CYP4F3: variants seen among roughly 807,000 people sequenced by gnomAD.
CYP4F3 encodes the protein cytochrome P450 family 4 subfamily F member 3.
A neutral mutation model predicts 54.8 loss-of-function variants in CYP4F3; 50 were observed. The ratio of observed to expected loss-of-function variants is 0.91; its 90% CI spans 0.73 to 1.16. CYP4F3 has a LOEUF of 1.16. Among genes scored for constraint, CYP4F3 ranks in the 50% most tolerant of loss-of-function variants. CYP4F3 has a pLI of 0.00. For synonymous variants in CYP4F3, 244 were observed against 262.6 expected (o/e 0.93, Z 0.69); for missense variants, 715 against 676.2 (o/e 1.06, Z -0.64).
At chr19:15,652,786 C>A in intron 8 of CYP4F3, 37 bp from the exon 9 acceptor site, 1 of 1,602,392 alleles carries the variant, frequency 6.2e-7, no homozygotes, top group Non-Finnish European at 8.5e-7. Context: ...GGTGCTGAAG[C>A]AGCCCAGAGA....
intron 9 of CYP4F3, among the ~76,000 whole-genome samples, chr19:15,653,348 C>T (rs1470442051): frequency 6.6e-6 from 1 of 152,186 alleles, no homozygotes; most frequent in African/African-American, 2.4e-5. Flanking sequence ...ATAAGGGAGA[C>T]CTGGGGGTAA....
chr19:15,646,925 G>A lies in CYP4F3; in HGVS notation c.344-127G>A, dbSNP rs1160200466. 3 of 1,365,200 alleles carry A rather than the reference G, an allele frequency of 2.2e-6. No individual in the cohort carries two copies. The African/African-American group carries it at 4.3e-5, about 20-fold the overall frequency. The allele number at this position is 1,365,200 out of a possible 1,614,324, so 84.6% of individuals were successfully genotyped here. The stretch of plus-strand genomic sequence containing the variant: ...CATCCTGCCTTCTTCCTCTCCCCTT[G>A]ACCCTCTTCTTGCTATGTGGGGCTT... On this transcript the variant is annotated intron_variant, in intron 3 of 12. Transcript: ENST00000221307.
At chr19:15,657,754 G>T (rs138990601) in intron 9 of CYP4F3, among the ~76,000 whole-genome samples, 339 of 152,190 alleles carry the variant, frequency 2.2e-3, no homozygotes, top group African/African-American at 7.2e-3. Flanking sequence ...TCTTTTGCAC[G>T]TGTTGATGTT....
chr19:15,644,011 T>C (rs1972552041), intron 2 of CYP4F3: 1 of 1,604,420 alleles, frequency 6.2e-7, no homozygotes, highest in Non-Finnish European at 8.5e-7. Context: ...TCATCCGTTT[T>C]TGCCACCCCA....
chr19:15,653,047 G>T, intron 9 of CYP4F3, 95 bp downstream of exon 9: 1 of 1,490,916 alleles, frequency 6.7e-7, no homozygotes, highest in South Asian at 1.3e-5. Flanking sequence ...TGTTGATTCT[G>T]CCACTATTGC....
chr19:15,649,009 G>T (rs1972707233), intron 5 of CYP4F3, 151 bp from the exon 6 acceptor site: 2 of 1,280,002 alleles, frequency 1.6e-6, no homozygotes, highest in East Asian at 2.7e-5. Flanking sequence ...AACAGCTTTT[G>T]CTTGCACCAT....
chr19:15,647,384 G>T, intron 5 of CYP4F3, 60 bp downstream of exon 5: 2 of 1,604,516 alleles, frequency 1.2e-6, no homozygotes, highest in Non-Finnish European at 1.7e-6. Context: ...ACCACAGACA[G>T]ATCTAGTCTG....
chr19:15,658,464 T>A lies in CYP4F3; in HGVS notation c.1250-27T>A, dbSNP rs779478157. 3 of 1,614,088 alleles carry A rather than the reference T, an allele frequency of 1.9e-6. No homozygotes were observed. In the South Asian group the frequency reaches 3.3e-5, roughly 18 times the overall value. ...GGGGCCCCTCAGGCAGGGAGCATTG[T>A]CCTGACTGCCCCCTTCTCTCCCACA... On this transcript the variant is annotated intron_variant, in intron 10 of 12. Coordinates refer to ENST00000221307, the MANE Select transcript of CYP4F3 (RefSeq NM_000896.3).
At chr19:15,653,735 GGAGA>G (rs60874509) in intron 9 of CYP4F3, among the ~76,000 whole-genome samples, 14,157 of 110,956 alleles carry the variant, frequency 0.13, 1,057 homozygotes, top group Middle Eastern at 0.17. Context: ...AAGAGAGAGA[GGAGA>G]GAGAGAGAGA....
At chr19:15,653,838 T>G (rs954762186) in intron 9 of CYP4F3, among the ~76,000 whole-genome samples, 1 of 149,902 alleles carries the variant, frequency 6.7e-6, no homozygotes, top group Non-Finnish European at 1.5e-5. Flanking sequence ...GAGACTGACT[T>G]GTGGTGAGAT....
rs556714796 is a variant in CYP4F3, at chr19:15,647,106, G to A, written c.397+1G>A. ...TACAGCTTCCTGAAGCCCTGGCTGG[G>A]TGAGTATCTGTAGGTGAACAGGGTT... On this transcript the variant is annotated splice_donor_variant, in intron 4 of 12. Coordinates refer to ENST00000221307, the MANE Select transcript of CYP4F3 (RefSeq NM_000896.3). LOFTEE classifies it high-confidence loss of function. 3 of 1,613,898 alleles carry A rather than the reference G, an allele frequency of 1.9e-6. No homozygotes were observed. Among genetic ancestry groups the A allele is most frequent in the South Asian group, 2.2e-5 (2 of 91,086 alleles).
chr19:15,648,851 A>G (rs1813808241), intron 5 of CYP4F3, among the ~76,000 whole-genome samples: 1 of 152,180 alleles, frequency 6.6e-6, no homozygotes, highest in African/African-American at 2.4e-5. Flanking sequence ...TCCAAAGCAC[A>G]TCATCTTAAC....
intron 7 of CYP4F3, among the ~76,000 whole-genome samples, chr19:15,651,168 C>CCGG (rs1249660935): frequency 1.5e-4 from 20 of 137,652 alleles, no homozygotes; most frequent in South Asian, 7.4e-4. Flanking sequence ...GCCACTGTGC[C>CCGG]CCACCTTGTC....
At chr19:15,641,754 C>T in intron 2 of CYP4F3, 141 bp downstream of exon 2, 14 of 975,360 alleles carry the variant, frequency 1.4e-5, no homozygotes, top group Non-Finnish European at 2.2e-5. Flanking sequence ...CATTCCTCTG[C>T]TTACTCATTT....
intron 6 of CYP4F3, 75 bp from the exon 7 acceptor site, chr19:15,649,838 A>G: frequency 6.4e-7 from 1 of 1,573,480 alleles, no homozygotes; most frequent in Non-Finnish European, 8.6e-7. Flanking sequence ...GGTAGCTCCT[A>G]GCTGCTGGTG....
At chr19:15,653,286 T>A (rs555947004) in intron 9 of CYP4F3, among the ~76,000 whole-genome samples, 7 of 152,334 alleles carry the variant, frequency 4.6e-5, no homozygotes, top group African/African-American at 1.7e-4. Flanking sequence ...ACTTGTTGAA[T>A]GTTTGCTCTT....
rs779126203 is a variant in CYP4F3 at position 15,652,888 on chromosome 19, C to G, written c.1051C>G (p.Gln351Glu). 8.1e-6 allele frequency: 13 copies of G among 1,613,770 alleles called. No homozygotes were observed. The highest frequency in any genetic ancestry group is 1.3e-5 in the African/African-American group (1 of 74,902). The change falls in exon 9 of 13, where the codon CAG (glutamine) becomes GAG (glutamate). Residue 351 changes from glutamine (Q) to glutamate (E), a missense_variant. Gln to Glu is a conservative substitution (Grantham distance 29, BLOSUM62 2). Transcript: ENST00000221307. Reference protein sequence around the residue: ...LYHLAKHPEYQERCRQEVQEL... With the variant: ...LYHLAKHPEYEERCRQEVQEL... ...CCACCTTGCAAAGCACCCGGAATACCAGGAGCGCTGTCGGCAGGAGGTGCA... is the reference window on the plus strand; with the variant it reads ...CCACCTTGCAAAGCACCCGGAATACGAGGAGCGCTGTCGGCAGGAGGTGCA...
At chr19:15,651,721 G>C (rs1040266061) in intron 7 of CYP4F3, among the ~76,000 whole-genome samples, 1 of 152,142 alleles carries the variant, frequency 6.6e-6, no homozygotes, top group Admixed American at 6.5e-5. Context: ...GAGTATTTGT[G>C]TCTGTGTCTA....
intron 2 of CYP4F3, among the ~76,000 whole-genome samples, chr19:15,642,915 TGG>T (rs1972507840): frequency 6.6e-6 from 1 of 151,506 alleles, no homozygotes; most frequent in African/African-American, 2.4e-5. Flanking sequence ...GATGGATGGA[TGG>T]ATGGATAATA....
Sources: allele counts gnomAD v4.1 joint callset (sites outside exome capture counted in the v4.1 genomes callset), GRCh38; gene constraint gnomAD v4.1.1; transcripts MANE v1.5; gene names NCBI Gene and HGNC (gene_info 2026-07-23, HGNC 2026-07-21).